ADD2: variants seen among roughly 807,000 people sequenced by gnomAD.
ADD2 encodes the protein beta-adducin.
A neutral mutation model predicts 83.0 loss-of-function variants in ADD2; 23 were observed. The ratio of observed to expected loss-of-function variants is 0.28; its 90% confidence interval spans 0.20 to 0.39. The LOEUF is 0.39. Among genes scored for constraint, ADD2 ranks in the 10% least tolerant of loss-of-function variants. The pLI is 1.00. For synonymous variants in ADD2, 375 were observed against 375.4 expected, an observed-to-expected ratio of 1.00 and a Z score of 0.01; for missense variants, 758 against 944.9, an observed-to-expected ratio of 0.80 and a Z score of 2.59.
In ADD2 at chr2:70,676,219, T is replaced by C. The variant is rs1670130782; in HGVS notation, c.1593+577A>G. On this transcript the variant is annotated intron_variant, in intron 13 of 15. Coordinates refer to ENST00000264436, the MANE Select transcript of ADD2 (RefSeq NM_001617.4). The surrounding 1 kb of genome is among the most constrained non-coding windows in gnomAD (Gnocchi z 4.8). ...GAACTTCACCCCTTTTGCTAAGCAC[T>C]AGACAAAACACTGTTCTATCTCAAG... 2.0e-6 allele frequency: 2 copies of C among 986,474 alleles called. No individual in the cohort carries two copies. The highest frequency in any genetic ancestry group is 1.2e-4 in the Admixed American group (2 of 16,304). 61.1% of individuals were successfully genotyped at this position (986,474 alleles called of 1,614,324 possible). A position where few individuals can be genotyped will look rare whatever the true frequency, so the allele number is the denominator to read the frequency against.
chr2:70,690,672 T>C (rs2104316291), intron 8 of ADD2, 114 bp downstream of exon 8: 3 of 1,264,204 alleles, frequency 2.4e-6, no homozygotes, highest in Non-Finnish European at 3.2e-6. Context: ...GAGATCTTTC[T>C]TTTTTTTCCC....
At chr2:70,673,320 C>T (rs782273409) in intron 14 of ADD2, 1 of 1,614,042 alleles carries the variant, frequency 6.2e-7, no homozygotes. Context: ...TCGTTCCTGT[C>T]CTGTCTCTGA....
In ADD2 at chr2:70,663,470, G is replaced by T; in HGVS notation, c.2136C>A (p.Pro712=). The T allele has an allele frequency of 6.2e-7, 1 of 1,614,060 alleles. No homozygotes were observed. Among genetic ancestry groups the T allele is most frequent in the African/African-American group, 1.3e-5 (1 of 75,010 alleles). ...TCTTTTTGCTCTTTTTCAGGAAGGA[G>T]GGGGTTCGGAATTTCTTTTTCTTCT... ...PSKKKKKFRT[P]SFLKKSKKKE... The change falls in exon 16 of 16, where the codon CCC becomes CCA. Residue 712 remains proline, a synonymous_variant. Coordinates refer to ENST00000264436, the MANE Select transcript of ADD2 (RefSeq NM_001617.4).
chr2:70,706,111 C>G lies in ADD2; in HGVS notation c.183+115G>C. The G allele has an allele frequency of 3.5e-6, 4 of 1,140,442 alleles. No homozygotes were observed. Among genetic ancestry groups the G allele is most frequent in the Non-Finnish European group, 3.7e-6 (3 of 802,164 alleles). 70.6% of individuals were successfully genotyped at this position (1,140,442 alleles called of 1,614,324 possible). On this transcript the variant is annotated intron_variant, in intron 3 of 15. Transcript: ENST00000264436. This position sits in a 1 kb window ranked among gnomAD's most constrained non-coding sequence, Gnocchi z 5.0. ...AGATCCGTCTTGCTCAGTGGGCTTA[C>G]ATTTCTACTGACCCTGAGCAAGGGA...
At chr2:70,704,498 C>T in intron 3 of ADD2, 39 bp from the exon 4 acceptor site, 2 of 1,609,820 alleles carry the variant, frequency 1.2e-6, no homozygotes, top group Non-Finnish European at 8.5e-7. Flanking sequence ...CCCACAGCCT[C>T]TCACACAGCT....
Position 70,658,813 on chromosome 2 carries a change from C to A in ADD2, c.*4612G>T, listed in dbSNP as rs1675443005. 6.6e-6 allele frequency: 1 copy of A among 152,096 alleles called. No individual in the cohort carries two copies. Among genetic ancestry groups the A allele is most frequent in the South Asian group, 2.1e-4 (1 of 4,824 alleles). 9.4% of individuals were successfully genotyped at this position (152,096 alleles called of 1,614,324 possible). A position where few individuals can be genotyped will look rare whatever the true frequency, so the allele number is the denominator to read the frequency against. The stretch of plus-strand genomic sequence containing the variant: ...TTGTTCACTAGTCAAGAACTGATTA[C>A]CCTTGTCCCAAAACTAGAACATAAA... On this transcript the variant is annotated 3_prime_UTR_variant, in exon 16 of 16. Transcript: ENST00000264436.
chr2:70,698,628 C>A (rs1359505422), intron 4 of ADD2, among the ~76,000 whole-genome samples: 1 of 152,084 alleles, frequency 6.6e-6, no homozygotes, highest in Non-Finnish European at 1.5e-5. Context: ...TCCAATTATC[C>A]TGATTTGATC....
At chr2:70,666,178 G>T (rs1017772015) in intron 15 of ADD2, among the ~76,000 whole-genome samples, 1 of 152,192 alleles carries the variant, frequency 6.6e-6, no homozygotes, top group Non-Finnish European at 1.5e-5. Flanking sequence ...GCAAAATTGT[G>T]TCTAATGACC....
chr2:70,688,854 T>C (rs2104306727), intron 8 of ADD2, among the ~76,000 whole-genome samples: 1 of 152,298 alleles, frequency 6.6e-6, no homozygotes, highest in East Asian at 1.9e-4. Flanking sequence ...CCCAGCACTT[T>C]GGGAGGCTAA....
chr2:70,709,995 G>C (rs1429639316), intron 2 of ADD2, among the ~76,000 whole-genome samples: 1 of 152,204 alleles, frequency 6.6e-6, no homozygotes, highest in Non-Finnish European at 1.5e-5. Flanking sequence ...AGGCAGCACG[G>C]CAGAACAAAA....
At chr2:70,724,573 C>T (rs1392871724) in intron 1 of ADD2, among the ~76,000 whole-genome samples, 1 of 152,208 alleles carries the variant, frequency 6.6e-6, no homozygotes, top group African/African-American at 2.4e-5. Context: ...CCCAAGCTCC[C>T]CACAAGGAGG....
intron 1 of ADD2, among the ~76,000 whole-genome samples, chr2:70,737,391 A>G (rs1453838595): frequency 6.6e-6 from 1 of 152,190 alleles, no homozygotes; most frequent in African/African-American, 2.4e-5. Context: ...AATACTATGC[A>G]GCCATAAAAA....
chr2:70,767,844 C>T (rs1553386439), intron 1 of ADD2, 42 bp downstream of exon 1: 1 of 1,533,384 alleles, frequency 6.5e-7, no homozygotes, highest in Non-Finnish European at 8.7e-7. Flanking sequence ...AGGAGACCAG[C>T]GACCCCAGGC....
chr2:70,753,659 C>T (rs1405469695), intron 1 of ADD2, among the ~76,000 whole-genome samples: 3 of 151,972 alleles, frequency 2.0e-5, no homozygotes, highest in Admixed American at 2.0e-4. Context: ...AAGCTGGAGG[C>T]ACCCAGAAAG....
chr2:70,669,210 C>T (rs1388224653), intron 15 of ADD2, among the ~76,000 whole-genome samples: 1 of 152,186 alleles, frequency 6.6e-6, no homozygotes, highest in Non-Finnish European at 1.5e-5. Context: ...GAGAGGTTTG[C>T]AACAGAGTTT....
intron 15 of ADD2, among the ~76,000 whole-genome samples, chr2:70,671,919 A>T (rs967834692): frequency 1.3e-5 from 2 of 152,068 alleles, no homozygotes; most frequent in African/African-American, 2.4e-5. Context: ...GTCTCCGGGG[A>T]CCTGGGATGG....
At chr2:70,733,951 C>T (rs1673398611) in intron 1 of ADD2, among the ~76,000 whole-genome samples, 1 of 152,184 alleles carries the variant, frequency 6.6e-6, no homozygotes, top group Non-Finnish European at 1.5e-5. Context: ...GACTTCATCT[C>T]TGTTGTCAAG....
chr2:70,748,551 C>A (rs1574319577), intron 1 of ADD2, among the ~76,000 whole-genome samples: 1 of 152,132 alleles, frequency 6.6e-6, no homozygotes, highest in African/African-American at 2.4e-5. Flanking sequence ...CACTTCCTAC[C>A]TGGGAATGGA....
chr2:70,759,286 G>C (rs1674958972), intron 1 of ADD2, among the ~76,000 whole-genome samples: 1 of 152,178 alleles, frequency 6.6e-6, no homozygotes, highest in Non-Finnish European at 1.5e-5. Context: ...TACATTACAG[G>C]TATTTACTGC....
Sources: gnomAD v4.1 joint callset for allele counts (sites outside exome capture counted in the v4.1 genomes callset) on GRCh38, gnomAD v4.1.1 for gene constraint, Gnocchi (gnomAD v3.1) non-coding constraint, MANE v1.5 for transcripts, NCBI Gene and HGNC (gene_info 2026-07-23, HGNC 2026-07-21) for gene names.